Variants in ZFR observed in about 807,000 individuals in gnomAD.
ZFR encodes zinc finger RNA binding protein.
ZFR carries 19 observed loss-of-function variants against 130.7 expected under a neutral mutation model. The observed-to-expected ratio is 0.15, with a 90% CI of 0.10 to 0.21. ZFR has a LOEUF of 0.21. Ranked by LOEUF, ZFR falls within the 10% of genes least tolerant of loss-of-function variation. ZFR has a pLI of 1.00. For synonymous variants in ZFR, 466 were observed against 456.9 expected (o/e 1.02, Z -0.25); for missense variants, 872 against 1,321.5 (o/e 0.66, Z 5.27).
chr5:32,360,834 C>T (rs1032817124), intron 19 of ZFR, among the ~76,000 whole-genome samples: 2 of 152,094 alleles, frequency 1.3e-5, no homozygotes, highest in South Asian at 4.1e-4. Flanking sequence ...TCAAGAGATC[C>T]TCCCACCTCG....
At chr5:32,444,507 C>G in intron 1 of ZFR, 115 bp downstream of exon 1, 1 of 1,329,130 alleles carries the variant, frequency 7.5e-7, no homozygotes, top group Non-Finnish European at 9.8e-7. Flanking sequence ...CACTCGCACG[C>G]CCGGGTGGCG....
At chr5:32,369,164 G>C (rs1752607209) in intron 17 of ZFR, among the ~76,000 whole-genome samples, 1 of 152,026 alleles carries the variant, frequency 6.6e-6, no homozygotes, top group Non-Finnish European at 1.5e-5. Context: ...TTTGTTAAGG[G>C]GTATCTAAAT....
chr5:32,373,856 T>C (rs1013947981), intron 17 of ZFR, among the ~76,000 whole-genome samples: 1 of 152,230 alleles, frequency 6.6e-6, no homozygotes, highest in Non-Finnish European at 1.5e-5. Context: ...CACTTTTGAC[T>C]TTCTTCACAA....
chr5:32,373,336 T>C (rs1752719603), intron 17 of ZFR, among the ~76,000 whole-genome samples: 1 of 152,058 alleles, frequency 6.6e-6, no homozygotes, highest in African/African-American at 2.4e-5. Context: ...GAGGTTGCAG[T>C]GACCCCAGGT....
intron 5 of ZFR, among the ~76,000 whole-genome samples, chr5:32,408,873 G>A (rs1248382354): frequency 2.0e-5 from 3 of 152,034 alleles, no homozygotes; most frequent in Non-Finnish European, 1.5e-5. Context: ...ATATACTATA[G>A]TAGCCTAACA....
chr5:32,387,256 T>C lies in ZFR; in HGVS notation c.2499+293A>G, dbSNP rs943717288. Among the ~76,000 whole-genome samples, 7 of 152,242 alleles carry C rather than the reference T, an allele frequency of 4.6e-5. 1 individual carries two copies. Among genetic ancestry groups the C allele is most frequent in the Admixed American group, 1.3e-4 (2 of 15,284 alleles). ...TCACTTTGTCCTAACAACTGCCTTC[T>C]TATGATTCAAGTCTTGGAAAAAGAA... On this transcript the variant is annotated intron_variant, in intron 14 of 19. Transcript: ENST00000265069.
At chr5:32,359,187 C>CA (rs1410495543) in intron 19 of ZFR, among the ~76,000 whole-genome samples, 1 of 151,868 alleles carries the variant, frequency 6.6e-6, no homozygotes, top group African/African-American at 2.4e-5. Flanking sequence ...CTCAAAAAAA[C>CA]AAAAAAATAA....
intron 2 of ZFR, among the ~76,000 whole-genome samples, chr5:32,434,153 T>C (rs1171248890): frequency 6.6e-6 from 1 of 152,242 alleles, no homozygotes; most frequent in Non-Finnish European, 1.5e-5. Flanking sequence ...CACAGAATAT[T>C]ATAAAACGAA....
intron 5 of ZFR, among the ~76,000 whole-genome samples, chr5:32,407,933 T>G (rs1038080359): frequency 1.3e-5 from 2 of 152,166 alleles, no homozygotes; most frequent in Non-Finnish European, 2.9e-5. Flanking sequence ...CTTGTATCTG[T>G]TTTCCTACAA....
intron 2 of ZFR, among the ~76,000 whole-genome samples, chr5:32,437,795 C>T (rs993085128): frequency 3.3e-5 from 5 of 152,034 alleles, no homozygotes; most frequent in African/African-American, 1.2e-4. Flanking sequence ...TCTCTGGGAT[C>T]TCTATTTTAA....
intron 2 of ZFR, among the ~76,000 whole-genome samples, chr5:32,422,466 T>TA (rs371803184): frequency 3.3e-5 from 5 of 152,258 alleles, no homozygotes; most frequent in African/African-American, 1.2e-4. Flanking sequence ...GCCAGGTCTC[T>TA]AACCATCATC....
chr5:32,380,325 C>T (rs1752906456), intron 15 of ZFR, 153 bp from the exon 16 acceptor site: 2 of 518,822 alleles, frequency 3.9e-6, no homozygotes, highest in Admixed American at 6.1e-5. Flanking sequence ...AATAAATTTA[C>T]ATAATCCAAT....
chr5:32,424,986 T>C (rs2111835814), intron 2 of ZFR, among the ~76,000 whole-genome samples: 1 of 152,290 alleles, frequency 6.6e-6, no homozygotes, highest in South Asian at 2.1e-4. Flanking sequence ...TGTCTAGCTT[T>C]GATGGAACTA....
intron 13 of ZFR, among the ~76,000 whole-genome samples, chr5:32,388,215 T>C (rs1160418051): frequency 2.6e-5 from 4 of 152,228 alleles, no homozygotes; most frequent in Non-Finnish European, 5.9e-5. Context: ...ATGGCTGCTT[T>C]GAAATAGACT....
chr5:32,443,864 G>GCTGGACGCGCGGAGGCGGGGA (rs1271923721), intron 2 of ZFR, among the ~76,000 whole-genome samples: 1 of 152,256 alleles, frequency 6.6e-6, no homozygotes, highest in Non-Finnish European at 1.5e-5. Flanking sequence ...GGAGGTGGGG[G>GCTGGACGCGCGGAGGCGGGGA]CTGGACGCGC....
intron 19 of ZFR, among the ~76,000 whole-genome samples, chr5:32,362,358 AAGAATAAAGGT>A (rs1227244512): frequency 1.3e-5 from 2 of 152,200 alleles, no homozygotes; most frequent in African/African-American, 4.8e-5. Flanking sequence ...AGTGGCATAC[AAGAATAAAGGT>A]AGACACTGTG....
chr5:32,356,246 CA>C (rs541557168), intron 19 of ZFR, among the ~76,000 whole-genome samples: 1 of 151,956 alleles, frequency 6.6e-6, no homozygotes, highest in East Asian at 1.9e-4. Context: ...ATGTTGAAAA[CA>C]AAGAAAAATG....
intron 5 of ZFR, among the ~76,000 whole-genome samples, chr5:32,410,694 A>G (rs934513404): frequency 6.6e-6 from 1 of 152,216 alleles, no homozygotes; most frequent in Non-Finnish European, 1.5e-5. Context: ...AAAAAAATTA[A>G]CATTTCAGTA....
Position 32,400,165 on chromosome 5 carries a change from C to A in ZFR, c.1555G>T (p.Asp519Tyr). 6.2e-7 allele frequency: 1 copy of A among 1,610,034 alleles called. No homozygotes were observed. Among genetic ancestry groups the A allele is most frequent in the Non-Finnish European group, 8.5e-7 (1 of 1,177,734 alleles). The change falls in exon 9 of 20, where the codon GAC (aspartate) becomes TAC (tyrosine). Residue 519 changes from aspartate (D) to tyrosine (Y), a missense_variant. Physicochemically the swap from Asp to Tyr is radical, Grantham distance 160. This residue lies in a region of ZFR where 143 missense variants were observed against 137.9 expected (regional missense o/e 1.04). Transcript: ENST00000265069. Reference sequence around the variant, plus strand: ...TTAACACATTCGGTTCCTTTTATGTCTTCTGCTTTATTTCCTGTTGACTGC... The same window carrying A: ...TTAACACATTCGGTTCCTTTTATGTATTCTGCTTTATTTCCTGTTGACTGC... ...KLQSTGNKAE[D>Y]IKGTECVKST...
Sources: gnomAD v4.1 joint callset for allele counts (sites outside exome capture counted in the v4.1 genomes callset) on GRCh38, gnomAD v4.1.1 for gene constraint, gnomAD v4.1.1 regional missense constraint, MANE v1.5 for transcripts, NCBI Gene and HGNC (gene_info 2026-07-23, HGNC 2026-07-21) for gene names.